The following SNX29 variants were observed in gnomAD, a reference collection of about 807,000 sequenced individuals.
SNX29 encodes sorting nexin-29.
In SNX29, 78 loss-of-function variants were observed where a neutral mutation model predicts 102.1. The ratio of observed to expected loss-of-function variants is 0.76; its 90% CI spans 0.64 to 0.92. SNX29 has a LOEUF of 0.92. Among genes scored for constraint, SNX29 ranks in the 40% least tolerant of loss-of-function variants. SNX29 has a pLI of 0.00. For synonymous variants in SNX29, 580 were observed against 414.5 expected (o/e 1.40, Z -4.85); for missense variants, 1,280 against 1,061.7 (o/e 1.21, Z -2.86).
At chr16:12,536,632 G>A (rs1213953966) in intron 20 of SNX29, among the ~76,000 whole-genome samples, 2 of 152,182 alleles carry the variant, frequency 1.3e-5, no homozygotes, top group African/African-American at 2.4e-5. Context: ...CAGCAGGGGT[G>A]TATACAGCTA....
intron 13 of SNX29, among the ~76,000 whole-genome samples, chr16:12,133,516 C>G (rs908326286): frequency 2.6e-5 from 4 of 151,914 alleles, no homozygotes; most frequent in Admixed American, 6.6e-5. Context: ...GTTTCAAACT[C>G]CTGGGCTCAA....
At chr16:12,567,630 C>T (rs1185383450) in intron 20 of SNX29, among the ~76,000 whole-genome samples, 2 of 152,074 alleles carry the variant, frequency 1.3e-5, no homozygotes, top group African/African-American at 2.4e-5. Context: ...GGTATGGTGG[C>T]TAGTACCTAT....
intron 19 of SNX29, among the ~76,000 whole-genome samples, chr16:12,512,367 A>ATATAT (rs2089657881): frequency 2.5e-5 from 1 of 39,510 alleles, no homozygotes; most frequent in Non-Finnish European, 4.9e-5. Context: ...AGGCCCAGGG[A>ATATAT]AAATATATAT....
intron 18 of SNX29, among the ~76,000 whole-genome samples, chr16:12,438,401 C>A (rs1226952642): frequency 6.6e-6 from 1 of 152,090 alleles, no homozygotes; most frequent in Non-Finnish European, 1.5e-5. Flanking sequence ...CCCTTACCAC[C>A]CAGTTTACCT....
At chr16:12,228,993 C>G (rs74008874) in intron 14 of SNX29, among the ~76,000 whole-genome samples, 2,657 of 152,350 alleles carry the variant, frequency 0.017, 90 homozygotes, top group African/African-American at 0.06. Context: ...TTTTCTCCCC[C>G]ACTCCCAAAT....
intron 4 of SNX29, among the ~76,000 whole-genome samples, chr16:12,035,512 C>T (rs145883264): frequency 2.4e-4 from 36 of 152,294 alleles, no homozygotes; most frequent in African/African-American, 7.7e-4. Context: ...CAGAGCTCAG[C>T]CCCTTGTTGG....
chr16:12,009,459 ATGTG>A (rs139936824), intron 3 of SNX29, among the ~76,000 whole-genome samples: 6 of 148,980 alleles, frequency 4.0e-5, no homozygotes, highest in Admixed American at 1.3e-4. Flanking sequence ...GTGTGTATAT[ATGTG>A]TGTGTGTGTG....
intron 15 of SNX29, among the ~76,000 whole-genome samples, chr16:12,340,542 T>A (rs977337230): frequency 2.6e-5 from 4 of 152,184 alleles, no homozygotes; most frequent in Non-Finnish European, 4.4e-5. Context: ...AACAGATTTG[T>A]GTTTGGAGTT....
chr16:12,264,723 A>G (rs2078876349), intron 14 of SNX29, among the ~76,000 whole-genome samples: 1 of 151,826 alleles, frequency 6.6e-6, no homozygotes, highest in Admixed American at 6.6e-5. Context: ...CATAGGTTGC[A>G]GTGAGCCGAG....
At chr16:12,380,809 C>T (rs1362068133) in intron 16 of SNX29, among the ~76,000 whole-genome samples, 1 of 119,180 alleles carries the variant, frequency 8.4e-6, no homozygotes, top group African/African-American at 3.1e-5. Flanking sequence ...ACCATCCATC[C>T]ATCCACCCGC....
intron 18 of SNX29, among the ~76,000 whole-genome samples, chr16:12,405,126 A>G (rs1376077895): frequency 6.6e-6 from 1 of 152,208 alleles, no homozygotes; most frequent in African/African-American, 2.4e-5. Context: ...CAAGTTCTGC[A>G]TTGTGGTCAT....
chr16:12,442,211 T>C (rs2085838735), intron 18 of SNX29, among the ~76,000 whole-genome samples: 1 of 152,208 alleles, frequency 6.6e-6, no homozygotes, highest in African/African-American at 2.4e-5. Context: ...GGCACTCTTG[T>C]CAAAAACAAG....
At chr16:12,348,219 G>A (rs1597020467) in intron 15 of SNX29, among the ~76,000 whole-genome samples, 1 of 152,218 alleles carries the variant, frequency 6.6e-6, no homozygotes, top group Non-Finnish European at 1.5e-5. Context: ...ACATCTGGAA[G>A]TCATGTCTGC....
At chr16:12,074,227 T>G (rs1194950010) in intron 10 of SNX29, among the ~76,000 whole-genome samples, 3 of 152,202 alleles carry the variant, frequency 2.0e-5, no homozygotes, top group East Asian at 3.9e-4. Context: ...GTTAGCTGGT[T>G]ATTTTGCTTG....
intron 19 of SNX29, among the ~76,000 whole-genome samples, chr16:12,516,339 A>T (rs2089863083): frequency 6.6e-6 from 1 of 151,894 alleles, no homozygotes; most frequent in Non-Finnish European, 1.5e-5. Flanking sequence ...AATTAGCCAG[A>T]CGTGGTGGTG....
At chr16:12,211,735 T>C (rs757279011) in intron 14 of SNX29, among the ~76,000 whole-genome samples, 17 of 152,340 alleles carry the variant, frequency 1.1e-4, no homozygotes, top group African/African-American at 3.8e-4. Context: ...GGGGGCAGAA[T>C]TCGTACTTCC....
chr16:12,248,090 T>C (rs1451124492), intron 14 of SNX29, among the ~76,000 whole-genome samples: 2 of 152,198 alleles, frequency 1.3e-5, no homozygotes, highest in African/African-American at 4.8e-5. Context: ...GCCCCTCTCC[T>C]GTGAGGCTTC....
chr16:12,326,766 G>C (rs371071169), intron 15 of SNX29, among the ~76,000 whole-genome samples: 1 of 152,158 alleles, frequency 6.6e-6, no homozygotes, highest in Non-Finnish European at 1.5e-5. Flanking sequence ...TATTATACTA[G>C]CTTGTGGTAC....
intron 7 of SNX29, among the ~76,000 whole-genome samples, chr16:12,050,255 G>C (rs2050248327): frequency 1.3e-5 from 2 of 152,194 alleles, no homozygotes; most frequent in African/African-American, 4.8e-5. Flanking sequence ...CATTGGTTTA[G>C]ACAGATTGGA....
Sources: gnomAD v4.1 joint callset for allele counts (sites outside exome capture counted in the v4.1 genomes callset) on GRCh38, gnomAD v4.1.1 for gene constraint, MANE v1.5 for transcripts, NCBI Gene and HGNC (gene_info 2026-07-23, HGNC 2026-07-21) for gene names.